The following TMTC1 variants were observed in gnomAD, a reference collection of about 807,000 sequenced individuals.
The protein encoded by TMTC1 is transmembrane O-mannosyltransferase targeting cadherins 1.
In TMTC1, 73 loss-of-function variants were observed where a neutral mutation model predicts 104.8. The ratio of observed to expected loss-of-function variants is 0.70; its 90% CI spans 0.58 to 0.85. The LOEUF is 0.85. TMTC1 is among the 40% of genes least tolerant of loss of function. TMTC1 has a pLI of 0.00. For synonymous variants in TMTC1, 434 were observed against 428.7 expected (o/e 1.01, Z -0.15); for missense variants, 1,035 against 1,096.1 (o/e 0.94, Z 0.79).
intron 5 of TMTC1, chr12:29,666,244 T>C (rs575204902): frequency 5.0e-6 from 2 of 403,650 alleles, no homozygotes; most frequent in East Asian, 1.5e-4. Flanking sequence ...TTTTTTTTTT[T>C]GGAGACGGAG....
intron 8 of TMTC1, among the ~76,000 whole-genome samples, chr12:29,579,881 T>C (rs1440202248): frequency 2.0e-5 from 3 of 152,178 alleles, no homozygotes; most frequent in South Asian, 2.1e-4. Context: ...ATGTAAAATA[T>C]AGGAATGGCA....
Position 29,769,773 on chromosome 12 carries a change from G to A in TMTC1, c.303-1698C>T, listed in dbSNP as rs187452678. 3.5e-3 allele frequency among the ~76,000 whole-genome samples: 537 copies of A among 152,208 alleles called. 3 individuals are homozygous for A. The highest frequency in any genetic ancestry group is 6.4e-3 in the Non-Finnish European group (435 of 68,008). ...AAAACAGGCAATCTCACATCTGATC[G>A]GTAGGTGTCCAAGTTGGAAGGTCTC... On this transcript the variant is annotated intron_variant, in intron 1 of 17. Coordinates refer to ENST00000539277, the MANE Select transcript of TMTC1 (RefSeq NM_001193451.2).
chr12:29,534,891 G>A (rs910459238), intron 11 of TMTC1: 13 of 151,972 alleles, frequency 8.6e-5, no homozygotes, highest in Non-Finnish European at 1.5e-4. Context: ...TAGAGAACAT[G>A]ATGGGCTGCG....
intron 6 of TMTC1, among the ~76,000 whole-genome samples, chr12:29,628,234 A>G (rs1938105636): frequency 6.6e-6 from 1 of 152,162 alleles, no homozygotes; most frequent in Non-Finnish European, 1.5e-5. Context: ...CCCTAAGTGG[A>G]TGGTGGTGGA....
chr12:29,634,351 T>A (rs1938446273), intron 5 of TMTC1, among the ~76,000 whole-genome samples: 3 of 152,132 alleles, frequency 2.0e-5, no homozygotes. Flanking sequence ...CCTCCCAATC[T>A]CTGGAAGCAC....
chr12:29,597,242 C>CTT lies in TMTC1; in HGVS notation c.1250+6934_1250+6935dup, dbSNP rs36063501. ...TTCTTTTTCTTTCTTTCTTTTCTTT[C>CTT]TTTTTTTTTTTTTTTTGAGATAAGG... On this transcript the variant is annotated intron_variant, in intron 7 of 17. Transcript: ENST00000539277. 8.3e-3 allele frequency among the ~76,000 whole-genome samples: 1,028 copies of CTT among 124,124 alleles called. 24 individuals carry two copies. The highest frequency in any genetic ancestry group is 0.027 in the African/African-American group (934 of 34,042). The allele number at this position is 124,124 out of a possible 152,430, so 81.4% of individuals were successfully genotyped here. A position where few individuals can be genotyped will look rare whatever the true frequency, so the allele number is the denominator to read the frequency against.
chr12:29,527,437 G>A (rs193280724), intron 11 of TMTC1, among the ~76,000 whole-genome samples: 1 of 152,290 alleles, frequency 6.6e-6, no homozygotes, highest in East Asian at 1.9e-4. Flanking sequence ...GAAGCACAAG[G>A]TATGTGGGGG....
chr12:29,771,712 G>A (rs1943598549), intron 1 of TMTC1, among the ~76,000 whole-genome samples: 2 of 152,182 alleles, frequency 1.3e-5, no homozygotes, highest in Non-Finnish European at 2.9e-5. Context: ...GGTATCCAAA[G>A]TGGGGCAGCA....
At chr12:29,523,963 T>A (rs1426523938) in intron 11 of TMTC1, among the ~76,000 whole-genome samples, 1 of 152,178 alleles carries the variant, frequency 6.6e-6, no homozygotes, top group East Asian at 1.9e-4. Context: ...TTCTTCCTTT[T>A]GGTTATGATT....
chr12:29,534,795 C>G (rs546226085), intron 11 of TMTC1: 101 of 152,202 alleles, frequency 6.6e-4, no homozygotes, highest in African/African-American at 2.2e-3. Context: ...GTCAAATATT[C>G]TAACGGTGGC....
At position 29,767,917 on chromosome 12, in the gene TMTC1, T is replaced by A; in HGVS notation, c.461A>T (p.His154Leu). 2 of 1,613,796 alleles carry A rather than the reference T, an allele frequency of 1.2e-6. No homozygotes were observed. The highest frequency in any genetic ancestry group is 1.7e-6 in the Non-Finnish European group (2 of 1,179,846). ...AFVTALLFAV[H>L]PIHTEAVAGI... ...ACTTACCGCCTCAGTATGAATAGGA[T>A]GTACAGCAAAAAGCAATGCCGTTAC... Residue 154 changes from histidine to leucine, a missense_variant, in exon 2 of 18, where the codon CAT (histidine) becomes CTT (leucine). Coordinates refer to ENST00000539277, the MANE Select transcript of TMTC1 (RefSeq NM_001193451.2).
At chr12:29,659,687 C>T (rs894770820) in intron 5 of TMTC1, among the ~76,000 whole-genome samples, 1 of 152,028 alleles carries the variant, frequency 6.6e-6, no homozygotes, top group African/African-American at 2.4e-5. Context: ...AACAAATATA[C>T]ACCAAATGAA....
At chr12:29,618,906 A>G (rs1947058800) in intron 6 of TMTC1, among the ~76,000 whole-genome samples, 1 of 152,240 alleles carries the variant, frequency 6.6e-6, no homozygotes, top group Non-Finnish European at 1.5e-5. Context: ...CAGTTTAAAA[A>G]CAATCAGAAG....
chr12:29,618,683 A>G (rs1191378287), intron 6 of TMTC1, among the ~76,000 whole-genome samples: 1 of 152,074 alleles, frequency 6.6e-6, no homozygotes, highest in East Asian at 1.9e-4. Flanking sequence ...GTCAATCACT[A>G]CAGTCTCCTC....
At chr12:29,601,491 T>A (rs569700915) in intron 7 of TMTC1, among the ~76,000 whole-genome samples, 4 of 152,344 alleles carry the variant, frequency 2.6e-5, no homozygotes, top group Non-Finnish European at 5.9e-5. Flanking sequence ...TTAGGGCTCT[T>A]AGAAGCTTGA....
chr12:29,516,461 T>C lies in TMTC1; in HGVS notation c.2195A>G (p.Gln732Arg), dbSNP rs142500115. 242 of 1,613,914 alleles carry C rather than the reference T, an allele frequency of 1.5e-4. 1 individual carries two copies. Among genetic ancestry groups the C allele is most frequent in the Non-Finnish European group, 2.0e-4 (235 of 1,179,886 alleles). The change falls in exon 15 of 18, where the codon CAG (glutamine) becomes CGG (arginine). Residue 732 changes from glutamine (Q) to arginine (R), a missense_variant. Transcript: ENST00000539277. The part of the protein sequence containing the change: ...ALAQVLAVMG[Q>R]TKEAEKMTNH... ...GGTCATCTTTTCAGCTTCTTTTGTC[T>C]GACCCATCACGGCCAAAACCTGAGC...
intron 5 of TMTC1, among the ~76,000 whole-genome samples, chr12:29,721,701 C>T (rs902246300): frequency 6.6e-6 from 1 of 152,132 alleles, no homozygotes; most frequent in Admixed American, 6.5e-5. Flanking sequence ...TTCTTATACA[C>T]CAGCACTTTT....
intron 5 of TMTC1, among the ~76,000 whole-genome samples, chr12:29,739,044 A>G (rs917152854): frequency 2.0e-5 from 3 of 152,202 alleles, no homozygotes; most frequent in Admixed American, 6.5e-5. Context: ...TAACAATATC[A>G]AATGCTTTGA....
intron 7 of TMTC1, among the ~76,000 whole-genome samples, chr12:29,598,974 CTTA>C (rs1220955858): frequency 1.3e-5 from 2 of 152,216 alleles, no homozygotes; most frequent in African/African-American, 4.8e-5. Flanking sequence ...TCTGCCCTCA[CTTA>C]TTCCCATTCA....
Sources: gnomAD v4.1 joint callset for allele counts (sites outside exome capture counted in the v4.1 genomes callset) on GRCh38, gnomAD v4.1.1 for gene constraint, MANE v1.5 for transcripts, NCBI Gene and HGNC (gene_info 2026-07-23, HGNC 2026-07-21) for gene names.